The following ARHGEF7 variants were observed in gnomAD, a reference collection of about 807,000 sequenced individuals.
The protein encoded by ARHGEF7 is Rho guanine nucleotide exchange factor 7.
Under a neutral mutation model 109.8 loss-of-function variants are expected in ARHGEF7, and 33 were observed. The ratio of observed to expected loss-of-function variants is 0.30; its 90% CI spans 0.23 to 0.40. The LOEUF (loss-of-function observed/expected upper bound fraction) is 0.40. ARHGEF7 is among the 10% of genes least tolerant of loss of function. The probability of loss-of-function intolerance (pLI) is 1.00; values close to 1 mark genes in which losing one functional copy is unlikely to be tolerated. For synonymous variants in ARHGEF7, 458 were observed against 424.6 expected, an observed-to-expected ratio of 1.08 and a Z score of -0.97; for missense variants, 938 against 1,098.5, an observed-to-expected ratio of 0.85 and a Z score of 2.07.
chr13:111,221,469 C>G (rs532534662), intron 5 of ARHGEF7, among the ~76,000 whole-genome samples: 1 of 79,266 alleles, frequency 1.3e-5, no homozygotes, highest in Non-Finnish European at 2.4e-5. Flanking sequence ...ATATAGACAT[C>G]TATATATATA....
intron 5 of ARHGEF7, among the ~76,000 whole-genome samples, chr13:111,218,111 C>G (rs75747221): frequency 6.6e-6 from 1 of 151,964 alleles, no homozygotes; most frequent in African/African-American, 2.4e-5. Flanking sequence ...ATTTTCCAGA[C>G]GTGAAGAGAA....
In ARHGEF7 at chr13:111,274,785, CT is replaced by C; in HGVS notation, c.1270del (p.Ser424GlnfsTer18). On this transcript the variant is annotated frameshift_variant, in exon 11 of 22. Transcript: ENST00000646102. LOFTEE classifies it high-confidence loss of function. Reference protein sequence around the residue: ...IQKSMAAFKNLSAQCQEVRKR... With the variant: ...IQKSMAAFKNXSAQCQEVRKR... ...AAAATCCATGGCTGCCTTCAAAAACCTTTCAGTAAGTGATTAAGCATATTGT... is the reference window on the plus strand; with the variant it reads ...AAAATCCATGGCTGCCTTCAAAAACCTTCAGTAAGTGATTAAGCATATTGT... 1 of 1,480,758 alleles carries C rather than the reference CT, an allele frequency of 6.8e-7. No individual in the cohort carries two copies. The highest frequency in any genetic ancestry group is 9.0e-7 in the Non-Finnish European group (1 of 1,110,492). 91.7% of individuals were successfully genotyped at this position (1,480,758 alleles called of 1,614,324 possible). A position where few individuals can be genotyped will look rare whatever the true frequency, so the allele number is the denominator to read the frequency against.
At chr13:111,133,797 ATATATATATATAT>A in intron 1 of ARHGEF7, among the ~76,000 whole-genome samples, 1 of 40,308 alleles carries the variant, frequency 2.5e-5, no homozygotes, top group East Asian at 8.6e-4. Context: ...ATATATATAT[ATATATATATATAT>A]ATATTTATTA....
intron 5 of ARHGEF7, among the ~76,000 whole-genome samples, chr13:111,225,378 G>A (rs2085057797): frequency 6.6e-6 from 1 of 152,264 alleles, no homozygotes; most frequent in Admixed American, 6.5e-5. Flanking sequence ...CCACAGCCCT[G>A]ATCCAGGGAG....
intron 8 of ARHGEF7, among the ~76,000 whole-genome samples, chr13:111,264,892 T>C (rs2091456673): frequency 6.6e-6 from 1 of 152,190 alleles, no homozygotes; most frequent in South Asian, 2.1e-4. Flanking sequence ...TGCTATGTTT[T>C]AGAAGCAGAG....
At chr13:111,172,541 C>G (rs2077703225) in intron 2 of ARHGEF7, among the ~76,000 whole-genome samples, 1 of 152,248 alleles carries the variant, frequency 6.6e-6, no homozygotes, top group African/African-American at 2.4e-5. Context: ...TTCTGCCCTT[C>G]ACACTTTTTG....
chr13:111,160,501 C>G (rs2076660104), intron 2 of ARHGEF7, among the ~76,000 whole-genome samples: 1 of 152,038 alleles, frequency 6.6e-6, no homozygotes, highest in Non-Finnish European at 1.5e-5. Flanking sequence ...GTGTCCACAC[C>G]CAGATCTCAT....
intron 1 of ARHGEF7, among the ~76,000 whole-genome samples, chr13:111,124,328 G>T (rs993804238): frequency 6.6e-6 from 1 of 152,240 alleles, no homozygotes; most frequent in Non-Finnish European, 1.5e-5. Flanking sequence ...GGGGCCCAGG[G>T]ACATGCAGGT....
rs2086810807 is a variant in ARHGEF7 at position 111,236,279 on chromosome 13, C to T, written c.759+2986C>T. ...TTTAGTTCTTTGGACATATTTATAA[C>T]AGCTGCTTTGAAACCTTTATCTCCT... On this transcript the variant is annotated intron_variant, in intron 6 of 21. Coordinates refer to ENST00000646102, the MANE Select transcript of ARHGEF7 (RefSeq NM_001354046.2). Among the ~76,000 whole-genome samples, 4 of 152,232 alleles carry T rather than the reference C, an allele frequency of 2.6e-5. No homozygotes were observed. In the South Asian group the frequency reaches 8.3e-4, roughly 31 times the overall value.
At chr13:111,301,877 G>A (rs1432867810) in intron 21 of ARHGEF7, among the ~76,000 whole-genome samples, 2 of 152,196 alleles carry the variant, frequency 1.3e-5, no homozygotes, top group Non-Finnish European at 2.9e-5. Flanking sequence ...GAGCCACAGA[G>A]CAAGACTCCG....
At chr13:111,285,945 C>A (rs2093001286) in intron 16 of ARHGEF7, among the ~76,000 whole-genome samples, 1 of 151,896 alleles carries the variant, frequency 6.6e-6, no homozygotes, top group Admixed American at 6.6e-5. Context: ...TAGCCAATGA[C>A]TAATACTGAA....
At chr13:111,132,781 C>A (rs920508488) in intron 1 of ARHGEF7, among the ~76,000 whole-genome samples, 1 of 152,098 alleles carries the variant, frequency 6.6e-6, no homozygotes, top group South Asian at 2.1e-4. Context: ...AGTTCTGTCT[C>A]CATGTGTGGG....
intron 6 of ARHGEF7, among the ~76,000 whole-genome samples, chr13:111,242,979 T>G (rs1461200347): frequency 6.6e-6 from 1 of 152,250 alleles, no homozygotes; most frequent in East Asian, 1.9e-4. Flanking sequence ...CTGTCAGTTT[T>G]TAAGACTTAA....
chr13:111,121,619 G>A (rs1364380103), intron 1 of ARHGEF7, among the ~76,000 whole-genome samples: 1 of 152,248 alleles, frequency 6.6e-6, no homozygotes. Flanking sequence ...CACGAGGGAG[G>A]TGGCAGAGGC....
chr13:111,203,756 T>C (rs973538590), intron 2 of ARHGEF7, among the ~76,000 whole-genome samples: 13 of 152,228 alleles, frequency 8.5e-5, no homozygotes, highest in African/African-American at 2.9e-4. Flanking sequence ...TTTACTTATT[T>C]GGAAAATTAT....
chr13:111,257,907 G>C (rs2090620246), intron 8 of ARHGEF7, among the ~76,000 whole-genome samples: 1 of 152,232 alleles, frequency 6.6e-6, no homozygotes, highest in East Asian at 1.9e-4. Context: ...CCTGGTCCCA[G>C]CAGTTGGAAC....
At chr13:111,148,448 A>G (rs1321129491) in intron 1 of ARHGEF7, among the ~76,000 whole-genome samples, 1 of 152,232 alleles carries the variant, frequency 6.6e-6, no homozygotes, top group Non-Finnish European at 1.5e-5. Context: ...ACCCATGTAC[A>G]TGTACAGAAA....
chr13:111,259,145 G>A (rs1291546568), intron 8 of ARHGEF7, among the ~76,000 whole-genome samples: 1 of 152,222 alleles, frequency 6.6e-6, no homozygotes, highest in Non-Finnish European at 1.5e-5. Context: ...CCTGCCCGGA[G>A]CCAAGGAGAA....
intron 1 of ARHGEF7, among the ~76,000 whole-genome samples, chr13:111,134,098 C>T (rs1375583083): frequency 1.3e-5 from 2 of 151,944 alleles, no homozygotes; most frequent in Non-Finnish European, 1.5e-5. Flanking sequence ...CAGCTTCATC[C>T]ATGTCCCTAC....
Sources: allele counts gnomAD v4.1 joint callset (sites outside exome capture counted in the v4.1 genomes callset), GRCh38; gene constraint gnomAD v4.1.1; transcripts MANE v1.5; gene names NCBI Gene and HGNC (gene_info 2026-07-23, HGNC 2026-07-21).